The following OGFR variants were observed in gnomAD, a reference collection of about 807,000 sequenced individuals.
OGFR encodes the protein opioid growth factor receptor.
A neutral mutation model predicts 33.6 loss-of-function variants in OGFR; 18 were observed. That is an observed-to-expected ratio of 0.54 (90% CI 0.37 to 0.80). The LOEUF is 0.80. Among genes scored for constraint, OGFR ranks in the 30% least tolerant of loss-of-function variants. OGFR has a pLI of 0.00. For missense variants in OGFR, 877 were observed against 955.8 expected (o/e 0.92, Z 1.09); for synonymous variants, 370 against 400.7 (o/e 0.92, Z 0.91).
At chr20:62,808,165 G>A in intron 2 of OGFR, 82 bp from the exon 3 acceptor site, 1 of 1,071,426 alleles carries the variant, frequency 9.3e-7, no homozygotes, top group Non-Finnish European at 1.5e-6. Context: ...GTTTGCAGAT[G>A]CGCCTCCCCG....
In OGFR at chr20:62,813,913, C is replaced by T; in HGVS notation, c.*264C>T. 3.5e-6 allele frequency: 2 copies of T among 569,542 alleles called. No individual in the cohort carries two copies. Among genetic ancestry groups the T allele is most frequent in the East Asian group, 3.0e-5 (1 of 33,736 alleles). The allele number at this position is 569,542 out of a possible 1,614,324, so 35.3% of individuals were successfully genotyped here. On this transcript the variant is annotated 3_prime_UTR_variant, in exon 7 of 7. Coordinates refer to ENST00000290291, the MANE Select transcript of OGFR (RefSeq NM_007346.4). ...GCGCCCCTGTCTTTGTAAATTGACC[C>T]TTCTGGAGTGGGGGGCGGCGGGCAG...
chr20:62,808,363 T>C, intron 3 of OGFR, 38 bp downstream of exon 3: 1 of 1,488,264 alleles, frequency 6.7e-7, no homozygotes, highest in Non-Finnish European at 9.4e-7. Flanking sequence ...GGCGCTTCCA[T>C]CCTTGCCTGG....
At chr20:62,807,303 AGCCC>A in intron 1 of OGFR, 1 of 566,336 alleles carries the variant, frequency 1.8e-6, no homozygotes, top group Admixed American at 3.2e-5. Flanking sequence ...TGGCTACCGC[AGCCC>A]TCTCTGGTTC....
Position 62,812,283 on chromosome 20 carries a change from T to G in OGFR, c.668T>G (p.Leu223Arg), listed in dbSNP as rs1450920185. 6.5e-7 allele frequency: 1 copy of G among 1,538,948 alleles called. No individual in the cohort carries two copies. Among genetic ancestry groups the G allele is most frequent in the African/African-American group, 1.4e-5 (1 of 72,438 alleles). ...CGCATCCTCAAGTCGCTGGGTGAGC[T>G]GGGCCTCGAGCACTTCCAGGCGCCG... ...ITRILKSLGE[L>R]GLEHFQAPLV... Residue 223 changes from leucine to arginine, a missense_variant, in exon 7 of 7, where the codon CTG (leucine) becomes CGG (arginine). Coordinates refer to ENST00000290291, the MANE Select transcript of OGFR (RefSeq NM_007346.4).
In OGFR at chr20:62,810,489, TCTC is replaced by T. The variant is rs764883834; in HGVS notation, c.399-7_399-5del. 7 of 1,612,920 alleles carry T rather than the reference TCTC, an allele frequency of 4.3e-6. No homozygotes were observed. Among genetic ancestry groups the T allele is most frequent in the Admixed American group, 1.7e-5 (1 of 59,972 alleles). Reference sequence around the variant, plus strand: ...CCTAATCCCTTGCCTGAGCATCTCTTCTCCTGCAGGCTGTTTCCTCTGCGAGAA... The same window carrying T: ...CCTAATCCCTTGCCTGAGCATCTCTTCTGCAGGCTGTTTCCTCTGCGAGAA... On this transcript the variant is annotated splice_polypyrimidine_tract_variant and splice_region_variant and intron_variant, in intron 4 of 6. Transcript: ENST00000290291.
At position 62,813,929 on chromosome 20, in the gene OGFR, C is replaced by T. The variant is rs929917680; in HGVS notation, c.*280C>T. 23 of 546,458 alleles carry T rather than the reference C, an allele frequency of 4.2e-5. No individual in the cohort carries two copies. The highest frequency in any genetic ancestry group is 4.6e-5 in the South Asian group (2 of 43,688). 33.9% of individuals were successfully genotyped at this position (546,458 alleles called of 1,614,324 possible). On this transcript the variant is annotated 3_prime_UTR_variant, in exon 7 of 7. Transcript: ENST00000290291. ...AAATTGACCCTTCTGGAGTGGGGGG[C>T]GGCGGGCAGGGCTGCTTTTCTTAGT...
chr20:62,812,121 C>T, intron 6 of OGFR, 109 bp from the exon 7 acceptor site: 1 of 919,690 alleles, frequency 1.1e-6, no homozygotes, highest in Non-Finnish European at 1.6e-6. Flanking sequence ...AATCGTGGGC[C>T]AGGGTGGGGA....
At chr20:62,805,166 C>CCA (rs1010412881) in intron 1 of OGFR, 136 bp downstream of exon 1, 1 of 597,920 alleles carries the variant, frequency 1.7e-6, no homozygotes, top group Admixed American at 4.5e-5. Flanking sequence ...GACCCCCCCC[C>CCA]AGACCGGCCG....
At chr20:62,810,413 A>G (rs554516569) in intron 4 of OGFR, 86 bp from the exon 5 acceptor site, 53 of 1,354,766 alleles carry the variant, frequency 3.9e-5, no homozygotes, top group Non-Finnish European at 5.4e-5. Flanking sequence ...GGGGATTGGA[A>G]CTGCCCCGGG....
chr20:62,809,858 C>T (rs892466637), intron 4 of OGFR, among the ~76,000 whole-genome samples, 195 bp downstream of exon 4: 11 of 152,246 alleles, frequency 7.2e-5, no homozygotes, highest in African/African-American at 2.7e-4. Context: ...TCAGGTCTGT[C>T]CCCAATCTGT....
Position 62,808,030 on chromosome 20 carries a change from G to A in OGFR, c.241-217G>A. The A allele has an allele frequency of 4.8e-6, 3 of 630,506 alleles. No homozygotes were observed. The East Asian group carries it at 8.2e-5, about 17-fold the overall frequency. 39.1% of individuals were successfully genotyped at this position (630,506 alleles called of 1,614,324 possible). A position where few individuals can be genotyped will look rare whatever the true frequency, so the allele number is the denominator to read the frequency against. ...GCTGAGGAGGGGACCTGCCAGGCCT[G>A]GCCTGGCTGGCGAAATGGGGAAGGG... On this transcript the variant is annotated intron_variant, in intron 2 of 6. Coordinates refer to ENST00000290291, the MANE Select transcript of OGFR (RefSeq NM_007346.4).
At position 62,812,269 on chromosome 20, in the gene OGFR, G is replaced by C. The variant is rs1349395760; in HGVS notation, c.654G>C (p.Lys218Asn). ...ACCTCCGCATCACACGCATCCTCAA[G>C]TCGCTGGGTGAGCTGGGCCTCGAGC... Reference protein sequence around the residue: ...HNNLRITRILKSLGELGLEHF... With the variant: ...HNNLRITRILNSLGELGLEHF... The change falls in exon 7 of 7, where the codon AAG (lysine) becomes AAC (asparagine). Residue 218 changes from lysine to asparagine, a missense_variant. Transcript: ENST00000290291. 2.6e-6 allele frequency: 4 copies of C among 1,533,950 alleles called. No homozygotes were observed. Among genetic ancestry groups the C allele is most frequent in the Non-Finnish European group, 8.8e-7 (1 of 1,139,290 alleles).
At chr20:62,807,631 C>T (rs1990627598) in intron 2 of OGFR, 26 bp downstream of exon 2, 1 of 1,605,214 alleles carries the variant, frequency 6.2e-7, no homozygotes, top group Non-Finnish European at 8.5e-7. Context: ...TGCCCCGGGA[C>T]ACAGAACCCT....
chr20:62,805,158 C>CG, intron 1 of OGFR, 128 bp downstream of exon 1: 2 of 459,602 alleles, frequency 4.4e-6, no homozygotes, highest in Non-Finnish European at 6.0e-6. Flanking sequence ...GCCCCGGGGA[C>CG]CCCCCCCCAG....
intron 1 of OGFR, among the ~76,000 whole-genome samples, chr20:62,805,256 C>G (rs1990560365): frequency 6.6e-6 from 1 of 151,824 alleles, no homozygotes; most frequent in Admixed American, 6.6e-5. Context: ...CGGGCCCCAT[C>G]GTGTGTGGGC....
At chr20:62,807,915 C>T (rs991142488) in intron 2 of OGFR, 1 of 599,078 alleles carries the variant, frequency 1.7e-6, no homozygotes, top group Non-Finnish European at 3.0e-6. Context: ...AGCACCCCAC[C>T]CCCATGCCAG....
intron 3 of OGFR, among the ~76,000 whole-genome samples, 194 bp downstream of exon 3, chr20:62,808,519 C>T (rs761676524): frequency 6.6e-6 from 1 of 152,068 alleles, no homozygotes; most frequent in Non-Finnish European, 1.5e-5. Context: ...GTGTTTGGGT[C>T]GGGGTGGGCT....
chr20:62,808,706 G>A (rs1202129175), intron 3 of OGFR, among the ~76,000 whole-genome samples: 1 of 152,154 alleles, frequency 6.6e-6, no homozygotes, highest in Non-Finnish European at 1.5e-5. Context: ...GGGCCTGGTG[G>A]CTCACGCTTG....
chr20:62,809,292 C>T (rs555478036), intron 3 of OGFR, among the ~76,000 whole-genome samples: 6 of 152,246 alleles, frequency 3.9e-5, no homozygotes, highest in African/African-American at 1.2e-4. Flanking sequence ...AGGTCCTGGT[C>T]GAGGACCAGT....
Sources: gnomAD v4.1 joint callset for allele counts (sites outside exome capture counted in the v4.1 genomes callset) on GRCh38, gnomAD v4.1.1 for gene constraint, MANE v1.5 for transcripts, NCBI Gene and HGNC (gene_info 2026-07-23, HGNC 2026-07-21) for gene names.